SLC4A4: variants seen among roughly 807,000 people sequenced by gnomAD.
SLC4A4 encodes the protein solute carrier family 4 member 4.
Under a neutral mutation model 111.5 loss-of-function variants are expected in SLC4A4, and 27 were observed. The ratio of observed to expected loss-of-function variants is 0.24; its 90% CI spans 0.18 to 0.33. The LOEUF (loss-of-function observed/expected upper bound fraction) is 0.33. SLC4A4 is among the 10% of genes least tolerant of loss of function. The pLI is 1.00. For synonymous variants in SLC4A4, 443 were observed against 463.4 expected (o/e 0.96, Z 0.57); for missense variants, 909 against 1,315.5 (o/e 0.69, Z 4.78).
chr4:71,097,592 A>G (rs1742596110), intron 2 of SLC4A4, among the ~76,000 whole-genome samples: 1 of 152,204 alleles, frequency 6.6e-6, no homozygotes, highest in African/African-American at 2.4e-5. Flanking sequence ...TTTTTAAGGA[A>G]TCACCACACT....
intron 2 of SLC4A4, among the ~76,000 whole-genome samples, chr4:71,147,795 G>T (rs1744219241): frequency 6.6e-6 from 1 of 152,118 alleles, no homozygotes; most frequent in South Asian, 2.1e-4. Context: ...CAGAAAAATA[G>T]CTGTTTACCA....
At chr4:71,091,625 C>T (rs987587212) in intron 1 of SLC4A4, among the ~76,000 whole-genome samples, 4 of 152,040 alleles carry the variant, frequency 2.6e-5, no homozygotes, top group Non-Finnish European at 4.4e-5. Flanking sequence ...CCAAAATTCT[C>T]GGGTAGCCAG....
At chr4:71,381,685 G>A (rs1369181909) in intron 6 of SLC4A4, among the ~76,000 whole-genome samples, 1 of 152,116 alleles carries the variant, frequency 6.6e-6, no homozygotes, top group Non-Finnish European at 1.5e-5. Context: ...CAATGATTAA[G>A]GCAGACACAG....
intron 6 of SLC4A4, 37 bp downstream of exon 6, chr4:71,357,224 C>T: frequency 6.3e-7 from 1 of 1,591,732 alleles, no homozygotes; most frequent in Non-Finnish European, 8.6e-7. Flanking sequence ...CTTTCTCTTA[C>T]TTATTTCACT....
intron 2 of SLC4A4, among the ~76,000 whole-genome samples, chr4:71,122,313 C>CAA (rs10611413): frequency 6.8e-5 from 8 of 117,314 alleles, no homozygotes; most frequent in African/African-American, 1.3e-4. Flanking sequence ...GACTCTGTCT[C>CAA]AAAAAAAAAA....
chr4:71,208,978 A>C (rs1384268345), intron 1 of SLC4A4, among the ~76,000 whole-genome samples: 1 of 152,146 alleles, frequency 6.6e-6, no homozygotes, highest in Non-Finnish European at 1.5e-5. Context: ...ATTTGGTTAT[A>C]GAGACAAATT....
At chr4:71,557,513 C>T (rs1238733047) in intron 21 of SLC4A4, among the ~76,000 whole-genome samples, 199 bp from the exon 22 acceptor site, 2 of 151,834 alleles carry the variant, frequency 1.3e-5, no homozygotes, top group Admixed American at 6.6e-5. Context: ...ATAACATTCC[C>T]GCAATATAAT....
chr4:71,251,258 G>C (rs531845986), intron 2 of SLC4A4, among the ~76,000 whole-genome samples: 14 of 152,290 alleles, frequency 9.2e-5, no homozygotes, highest in South Asian at 8.3e-4. Flanking sequence ...TGGCTCCAGA[G>C]TTACTAAGTG....
intron 1 of SLC4A4, among the ~76,000 whole-genome samples, chr4:71,084,464 T>A (rs929509106): frequency 6.6e-6 from 1 of 152,032 alleles, no homozygotes; most frequent in Non-Finnish European, 1.5e-5. Flanking sequence ...GCAGGTTAGT[T>A]ACATATGTAT....
chr4:71,367,058 C>T (rs889726337), intron 6 of SLC4A4, among the ~76,000 whole-genome samples: 6 of 152,216 alleles, frequency 3.9e-5, no homozygotes, highest in African/African-American at 1.4e-4. Flanking sequence ...TGCCAGGCTT[C>T]ATTCCACTGT....
chr4:71,070,314 G>A (rs1741631804), intron 1 of SLC4A4, among the ~76,000 whole-genome samples: 1 of 152,138 alleles, frequency 6.6e-6, no homozygotes, highest in African/African-American at 2.4e-5. Context: ...GATCACTTTG[G>A]GGGGCTCTGT....
chr4:71,490,858 G>A (rs1156512977), intron 15 of SLC4A4, among the ~76,000 whole-genome samples: 2 of 151,736 alleles, frequency 1.3e-5, no homozygotes, highest in Non-Finnish European at 2.9e-5. Context: ...AGAAAAATTA[G>A]TTGGGCATGA....
intron 3 of SLC4A4, among the ~76,000 whole-genome samples, chr4:71,284,171 A>G (rs1339520255): frequency 4.6e-5 from 7 of 152,184 alleles, no homozygotes; most frequent in African/African-American, 1.2e-4. Context: ...ATCATTTTAG[A>G]TTTTATACTC....
chr4:71,568,170 C>A lies in SLC4A4; in HGVS notation c.*419C>A. On this transcript the variant is annotated 3_prime_UTR_variant, in exon 26 of 26. Coordinates refer to ENST00000264485, the MANE Select transcript of SLC4A4 (RefSeq NM_001098484.3). ...ACTCAAGACACAGACACGCACAGAC[C>A]CTGTCCTTTGCCTCTATTAAGCAGA... is the stretch of plus-strand genomic sequence containing the variant. 1 of 302,756 alleles carries A rather than the reference C, an allele frequency of 3.3e-6. No individual in the cohort carries two copies. The highest frequency in any genetic ancestry group is 5.7e-5 in the Admixed American group (1 of 17,664). 18.8% of individuals were successfully genotyped at this position (302,756 alleles called of 1,614,324 possible). A position where few individuals can be genotyped will look rare whatever the true frequency, so the allele number is the denominator to read the frequency against.
At chr4:71,184,234 C>A (rs1217182393), upstream of SLC4A4, among the ~76,000 whole-genome samples, 1 of 152,138 alleles carries the variant, frequency 6.6e-6, no homozygotes, top group Non-Finnish European at 1.5e-5. Context: ...CAACGCAGGG[C>A]CGATCAATTG....
chr4:71,433,067 T>A (rs530011495), intron 7 of SLC4A4, among the ~76,000 whole-genome samples: 1 of 152,266 alleles, frequency 6.6e-6, no homozygotes, highest in South Asian at 2.1e-4. Flanking sequence ...TACTGCAGAA[T>A]AACACCTATA....
chr4:71,412,365 T>G (rs1721432059), intron 7 of SLC4A4, among the ~76,000 whole-genome samples: 1 of 152,156 alleles, frequency 6.6e-6, no homozygotes, highest in African/African-American at 2.4e-5. Context: ...CATCCAAAAC[T>G]TTTAGAGATG....
At chr4:71,250,783 C>A (rs1055978788) in intron 2 of SLC4A4, among the ~76,000 whole-genome samples, 16 of 152,108 alleles carry the variant, frequency 1.1e-4, no homozygotes, top group African/African-American at 3.6e-4. Context: ...ACAGAACACA[C>A]CATCAAAGTA....
chr4:71,290,586 C>G (rs1308165761), intron 3 of SLC4A4, among the ~76,000 whole-genome samples: 1 of 152,198 alleles, frequency 6.6e-6, no homozygotes, highest in Non-Finnish European at 1.5e-5. Flanking sequence ...CTCTGCATGA[C>G]AAGGGGATTA....
Sources: gnomAD v4.1 joint callset for allele counts (sites outside exome capture counted in the v4.1 genomes callset) on GRCh38, gnomAD v4.1.1 for gene constraint, MANE v1.5 for transcripts, NCBI Gene and HGNC (gene_info 2026-07-23, HGNC 2026-07-21) for gene names.